The following FRYL variants were observed in gnomAD, a reference collection of about 807,000 sequenced individuals.
FRYL encodes FRY like transcription coactivator.
A neutral mutation model predicts 351.2 loss-of-function variants in FRYL; 150 were observed. The observed-to-expected ratio is 0.43, with a 90% CI of 0.37 to 0.49. The LOEUF is 0.49. FRYL is among the 20% of genes least tolerant of loss of function. The probability of loss-of-function intolerance (pLI) is 0.00; values close to 1 mark genes in which losing one functional copy is unlikely to be tolerated. For synonymous variants in FRYL, 1,153 were observed against 1,257.1 expected, an observed-to-expected ratio of 0.92 and a Z score of 1.75; for missense variants, 3,036 against 3,619.3, an observed-to-expected ratio of 0.84 and a Z score of 4.13.
intron 3 of FRYL, among the ~76,000 whole-genome samples, chr4:48,647,626 CA>C (rs1211986848): frequency 2.0e-5 from 3 of 152,184 alleles, no homozygotes; most frequent in Non-Finnish European, 1.5e-5. Context: ...TCTCCTTTCT[CA>C]AATGAGGTGA....
chr4:48,511,067 AG>A lies in FRYL; in HGVS notation c.8146-84del, dbSNP rs1339506353. 10 of 777,694 alleles carry A rather than the reference AG, an allele frequency of 1.3e-5. No individual in the cohort carries two copies. The African/African-American group carries it at 1.8e-4, about 14-fold the overall frequency. 48.2% of individuals were successfully genotyped at this position (777,694 alleles called of 1,614,324 possible). A position where few individuals can be genotyped will look rare whatever the true frequency, so the allele number is the denominator to read the frequency against. ...TTTAAGTAAAGAAGCATAATAGGGT[AG>A]ACTTTTATTTTAAAATTATAATGAT... On this transcript the variant is annotated intron_variant, in intron 57 of 63. Transcript: ENST00000358350.
intron 3 of FRYL, among the ~76,000 whole-genome samples, chr4:48,670,762 G>A (rs1438813391): frequency 1.3e-5 from 2 of 152,070 alleles, no homozygotes; most frequent in Admixed American, 6.6e-5. Flanking sequence ...CCATGTTGCT[G>A]CAAGTGACAG....
intron 7 of FRYL, among the ~76,000 whole-genome samples, chr4:48,613,860 G>T (rs1450128335): frequency 2.0e-5 from 3 of 151,514 alleles, no homozygotes; most frequent in Non-Finnish European, 4.4e-5. Flanking sequence ...GGAGGCTGAG[G>T]CAGGAGAATT....
In FRYL at chr4:48,498,574, T is replaced by G. The variant is rs1718885181; in HGVS notation, c.*848A>C. ...TTATCAACAATCATAACATAAGCACTGATCAGAGAACTGAGCAGCATTCCA... is the reference window on the plus strand; with the variant it reads ...TTATCAACAATCATAACATAAGCACGGATCAGAGAACTGAGCAGCATTCCA... On this transcript the variant is annotated 3_prime_UTR_variant, in exon 64 of 64. Transcript: ENST00000358350. 1 of 152,650 alleles carries G rather than the reference T, an allele frequency of 6.6e-6. No individual in the cohort carries two copies. Among genetic ancestry groups the G allele is most frequent in the South Asian group, 2.1e-4 (1 of 4,834 alleles). The allele number at this position is 152,650 out of a possible 1,614,324, so 9.5% of individuals were successfully genotyped here. A position where few individuals can be genotyped will look rare whatever the true frequency, so the allele number is the denominator to read the frequency against.
rs754723445 is a variant in FRYL at position 48,521,123 on chromosome 4, C to G, written c.7614G>C (p.Glu2538Asp). Residue 2538 changes from glutamate (E) to aspartate (D), a missense_variant, in exon 55 of 64, where the codon GAG becomes GAC. Physicochemically the swap from Glu to Asp is conservative, Grantham distance 45 (BLOSUM62 2). This residue lies in a region of FRYL where 1,987 missense variants were observed against 2,311.7 expected (regional missense o/e 0.86). Coordinates refer to ENST00000358350, the MANE Select transcript of FRYL (RefSeq NM_015030.2). ...TCTCATCCCTGATTTGAAGCACTTC[C>G]TCTGTTGTGATGCTGCCAGTGGAAT... ...SEDSTGSITTEEVLQIRDETP... is the reference protein window; with the variant it reads ...SEDSTGSITTDEVLQIRDETP... 6.2e-7 allele frequency: 1 copy of G among 1,613,788 alleles called. No homozygotes were observed. Among genetic ancestry groups the G allele is most frequent in the Non-Finnish European group, 8.5e-7 (1 of 1,179,752 alleles).
At chr4:48,713,759 C>A (rs573263969) in intron 1 of FRYL, among the ~76,000 whole-genome samples, 33 of 152,136 alleles carry the variant, frequency 2.2e-4, no homozygotes, top group Non-Finnish European at 3.8e-4. Context: ...CTCAGCTCTA[C>A]ACCAAGCAGA....
chr4:48,668,382 A>T, intron 3 of FRYL, among the ~76,000 whole-genome samples: 1 of 150,794 alleles, frequency 6.6e-6, no homozygotes. Context: ...CCATCTCAAA[A>T]AATTAAAAAA....
At chr4:48,579,996 G>T (rs1040025635) in intron 22 of FRYL, among the ~76,000 whole-genome samples, 1 of 151,508 alleles carries the variant, frequency 6.6e-6, no homozygotes, top group African/African-American at 2.4e-5. Flanking sequence ...ATGTACAATT[G>T]TATCTATTTA....
rs369414143 is a variant in FRYL, at chr4:48,499,626, T to A, written c.8838A>T (p.Thr2946=). The A allele has an allele frequency of 6.2e-7, 1 of 1,613,728 alleles. No homozygotes were observed. Among genetic ancestry groups the A allele is most frequent in the Non-Finnish European group, 8.5e-7 (1 of 1,179,692 alleles). ...GATGATGGAAATATATATGTAACAG[T>A]GTCTGTACAGGGTCATCTTCACAAC... The part of the protein sequence containing the change: ...FGSCEDDPVQ[T]LLHIYFHHQT... Residue 2946 remains threonine, a synonymous_variant, in exon 64 of 64, where the codon ACA becomes ACT. Transcript: ENST00000358350.
chr4:48,645,454 C>T (rs538948606), intron 3 of FRYL, among the ~76,000 whole-genome samples: 6 of 152,210 alleles, frequency 3.9e-5, no homozygotes, highest in African/African-American at 1.4e-4. Flanking sequence ...TGGCATATTT[C>T]TCACTGTAAA....
intron 4 of FRYL, among the ~76,000 whole-genome samples, chr4:48,632,752 C>A (rs541452724): frequency 3.9e-5 from 6 of 152,168 alleles, no homozygotes; most frequent in African/African-American, 1.2e-4. Context: ...TTCATAGATG[C>A]TTTCCTCAGA....
At chr4:48,653,615 T>C in intron 3 of FRYL, 1 of 742,474 alleles carries the variant, frequency 1.3e-6, no homozygotes, top group South Asian at 1.7e-5. Context: ...TTCAACAGCT[T>C]TTTATCTATT....
intron 48 of FRYL, 70 bp from the exon 49 acceptor site, chr4:48,534,755 T>A (rs1321785215): frequency 1.1e-6 from 1 of 943,216 alleles, no homozygotes; most frequent in African/African-American, 1.7e-5. Context: ...AATATTTACA[T>A]TTGACAGGTT....
intron 31 of FRYL, among the ~76,000 whole-genome samples, chr4:48,563,496 A>C (rs955715370): frequency 2.6e-5 from 4 of 152,054 alleles, no homozygotes; most frequent in Non-Finnish European, 5.9e-5. Context: ...GTGAGAGGCC[A>C]GGAGTTCAAG....
chr4:48,749,670 A>T (rs767172734), intron 1 of FRYL, among the ~76,000 whole-genome samples: 22 of 152,172 alleles, frequency 1.4e-4, no homozygotes, highest in Non-Finnish European at 2.8e-4. Context: ...AGTGGCATAG[A>T]GAATGTTCTG....
At chr4:48,505,452 T>A in intron 60 of FRYL, 95 bp downstream of exon 60, 4 of 767,960 alleles carry the variant, frequency 5.2e-6, no homozygotes, top group Middle Eastern at 2.4e-4. Context: ...ATATTCTTTA[T>A]TTTTAGAAAT....
chr4:48,522,770 T>A (rs1368853720), intron 54 of FRYL, 131 bp downstream of exon 54: 2 of 755,788 alleles, frequency 2.6e-6, no homozygotes, highest in Admixed American at 1.8e-5. Flanking sequence ...CGGTACTCCA[T>A]TAGTGTTGCA....
At position 48,531,256 on chromosome 4, in the gene FRYL, C is replaced by T. The variant is rs760643037; in HGVS notation, c.6803G>A (p.Gly2268Glu). ...GGATATTTCAGGAGAACCTGTATCT[C>T]CTCCATAGGTCTTGGGGATATCACT... ...VPSDIPKTYGGDTGSPEISFT... is the reference protein window; with the variant it reads ...VPSDIPKTYGEDTGSPEISFT... The change falls in exon 50 of 64, where the codon GGA becomes GAA. Residue 2268 changes from glycine (G) to glutamate (E), a missense_variant. By Grantham distance (98) the Gly-to-Glu change is moderately conservative (BLOSUM62 -2). Coordinates refer to ENST00000358350, the MANE Select transcript of FRYL (RefSeq NM_015030.2). 3.1e-6 allele frequency: 5 copies of T among 1,612,540 alleles called. No homozygotes were observed. The highest frequency in any genetic ancestry group is 3.3e-5 in the Admixed American group (2 of 59,986).
At chr4:48,778,469 A>G (rs769732161) in intron 1 of FRYL, among the ~76,000 whole-genome samples, 4 of 152,262 alleles carry the variant, frequency 2.6e-5, no homozygotes. Context: ...AAAAAAGACC[A>G]GAGAATAACA....
Sources: gnomAD v4.1 joint callset for allele counts (sites outside exome capture counted in the v4.1 genomes callset) on GRCh38, gnomAD v4.1.1 for gene constraint, gnomAD v4.1.1 regional missense constraint, MANE v1.5 for transcripts, NCBI Gene and HGNC (gene_info 2026-07-23, HGNC 2026-07-21) for gene names.